HOXD3: variants seen among roughly 807,000 people sequenced by gnomAD.
HOXD3 encodes homeobox D3.
HOXD3 carries 13 observed loss-of-function variants against 32.8 expected under a neutral mutation model. The ratio of observed to expected loss-of-function variants is 0.40; its 90% confidence interval spans 0.26 to 0.63. HOXD3 has a LOEUF of 0.63. Ranked by LOEUF, HOXD3 falls within the 20% of genes least tolerant of loss-of-function variation. The pLI is 0.44. For synonymous variants in HOXD3, 241 were observed against 246.8 expected (o/e 0.98, Z 0.22); for missense variants, 504 against 577.1 (o/e 0.87, Z 1.30).
Position 176,169,306 on chromosome 2 carries a change from A to G in HOXD3, c.192A>G (p.Pro64=). The G allele has an allele frequency of 6.2e-7, 1 of 1,613,610 alleles. No homozygotes were observed. Among genetic ancestry groups the G allele is most frequent in the East Asian group, 2.2e-5 (1 of 44,848 alleles). ...AAASSLDTDY[P]GSACSIQSSA... is the part of the protein sequence containing the mutation. ...CCAGCTCCCTGGACACTGACTATCC[A>G]GGTTCTGCCTGCTCCATCCAGAGCT... The change falls in exon 3 of 4, where the codon CCA becomes CCG. Residue 64 remains proline (P), a synonymous_variant. Transcript: ENST00000683222.
chr2:176,155,070 C>T (rs528044409), upstream of HOXD3, among the ~76,000 whole-genome samples: 1 of 152,316 alleles, frequency 6.6e-6, no homozygotes, highest in Non-Finnish European at 1.5e-5. Flanking sequence ...AACTACCCTT[C>T]TCTTCTTTTT....
Position 176,168,528 on chromosome 2 carries a change from C to A in HOXD3, c.-84-503C>A, listed in dbSNP as rs140754463. Among the ~76,000 whole-genome samples, 462 of 149,286 alleles carry A rather than the reference C, an allele frequency of 3.1e-3. 5 individuals carry two copies. The highest frequency in any genetic ancestry group is 4.6e-3 in the South Asian group (22 of 4,806). On this transcript the variant is annotated intron_variant, in intron 2 of 3. Coordinates refer to ENST00000683222, the MANE Select transcript of HOXD3 (RefSeq NM_006898.5). Reference sequence around the variant, plus strand: ...GTTGCAGTAAGCTGAGATCATGACACTGCACTCCAGCCTTGGCAACAGGAG... The same window carrying A: ...GTTGCAGTAAGCTGAGATCATGACAATGCACTCCAGCCTTGGCAACAGGAG...
chr2:176,164,913 T>G (rs945871847), intron 2 of HOXD3: 3 of 152,210 alleles, frequency 2.0e-5, no homozygotes, highest in African/African-American at 7.2e-5. Flanking sequence ...CCTCCGCAAG[T>G]CGGACTAGCC....
chr2:176,171,527 C>T lies in HOXD3; in HGVS notation c.552C>T (p.Cys184=), dbSNP rs754097687. The stretch of plus-strand genomic sequence containing the variant: ...TCCCTCCCTGCCCAGGAGAGAGCTG[C>T]GAGGACAAGAGCCCGCCAGGCCCAG... ...KNSCATAGES[C]EDKSPPGPAS... is the part of the protein sequence containing the mutation. The change falls in exon 4 of 4, where the codon TGC becomes TGT. Residue 184 remains cysteine (C), a synonymous_variant. Transcript: ENST00000683222. 1 of 1,586,062 alleles carries T rather than the reference C, an allele frequency of 6.3e-7. No homozygotes were observed. Among genetic ancestry groups the T allele is most frequent in the Non-Finnish European group, 8.6e-7 (1 of 1,165,256 alleles).
chr2:176,163,941 CTGGA>C (rs1559138861), intron 1 of HOXD3, 128 bp from the exon 2 acceptor site: 1 of 152,166 alleles, frequency 6.6e-6, no homozygotes, highest in Non-Finnish European at 1.5e-5. Context: ...GAGAAGGCGT[CTGGA>C]TGGTCACGGG....
chr2:176,154,444 G>T (rs917705990), upstream of HOXD3, among the ~76,000 whole-genome samples: 5 of 152,194 alleles, frequency 3.3e-5, no homozygotes, highest in African/African-American at 4.8e-5. Flanking sequence ...TCCAAAAAAG[G>T]TTGTAGCTAT....
chr2:176,169,793 T>A, intron 3 of HOXD3, 138 bp downstream of exon 3: 1 of 1,068,004 alleles, frequency 9.4e-7, no homozygotes. Flanking sequence ...TTTTTTTTAG[T>A]GTTCCTGATT....
chr2:176,171,242 G>A (rs1691164061), intron 3 of HOXD3, among the ~76,000 whole-genome samples: 1 of 152,168 alleles, frequency 6.6e-6, no homozygotes, highest in Non-Finnish European at 1.5e-5. Flanking sequence ...TGGGATGATG[G>A]ACTAGGCTGC....
At chr2:176,169,849 C>G (rs1198629543) in intron 3 of HOXD3, among the ~76,000 whole-genome samples, 194 bp downstream of exon 3, 1 of 152,156 alleles carries the variant, frequency 6.6e-6, no homozygotes, top group African/African-American at 2.4e-5. Context: ...CCATTCCAGG[C>G]TGCTGGTGCT....
Position 176,157,437 on chromosome 2 carries a change from G to A in HOXD3, c.-196G>A, listed in dbSNP as rs965852401. Among the ~76,000 whole-genome samples the A allele has an allele frequency of 6.6e-6, 1 of 152,130 alleles. No homozygotes were observed. The highest frequency in any genetic ancestry group is 1.5e-5 in the Non-Finnish European group (1 of 68,020). ...TCCACCCCCGGCCCCCGGCGGGCGCGGGAGCGCGGCCGCAGGTAAATATTT... is the reference window on the plus strand; with the variant it reads ...TCCACCCCCGGCCCCCGGCGGGCGCAGGAGCGCGGCCGCAGGTAAATATTT... On this transcript the variant is annotated 5_prime_UTR_variant, in exon 1 of 4. Coordinates refer to ENST00000683222, the MANE Select transcript of HOXD3 (RefSeq NM_006898.5).
intron 2 of HOXD3, among the ~76,000 whole-genome samples, chr2:176,168,115 G>A (rs868611360): frequency 2.0e-4 from 31 of 152,068 alleles, no homozygotes; most frequent in African/African-American, 7.5e-4. Context: ...ACTTCCAGAG[G>A]TTCAAATAAG....
At position 176,172,324 on chromosome 2, in the gene HOXD3, T is replaced by C. The variant is rs1691224538; in HGVS notation, c.*50T>C. ...GGCAAAATTACCTCTCTTGCTGTAG[T>C]GGTGGGGTAGAGGGTGGGGCCCGCG... On this transcript the variant is annotated 3_prime_UTR_variant, in exon 4 of 4. Coordinates refer to ENST00000683222, the MANE Select transcript of HOXD3 (RefSeq NM_006898.5). 1 of 1,527,536 alleles carries C rather than the reference T, an allele frequency of 6.5e-7. No individual in the cohort carries two copies. Among genetic ancestry groups the C allele is most frequent in the African/African-American group, 1.4e-5 (1 of 73,328 alleles). 94.6% of individuals were successfully genotyped at this position (1,527,536 alleles called of 1,614,324 possible).
upstream of HOXD3, among the ~76,000 whole-genome samples, chr2:176,155,575 G>A (rs575071057): frequency 2.0e-5 from 3 of 152,274 alleles, no homozygotes; most frequent in South Asian, 2.1e-4. Context: ...GGTCCCAGTC[G>A]GACCCCAGCA....
intron 2 of HOXD3, among the ~76,000 whole-genome samples, chr2:176,167,532 C>T (rs920840100): frequency 6.6e-6 from 1 of 152,102 alleles, no homozygotes; most frequent in Non-Finnish European, 1.5e-5. Flanking sequence ...GCAAGTCCTC[C>T]TGTTGGTGTT....
intron 3 of HOXD3, 50 bp from the exon 4 acceptor site, chr2:176,171,467 G>A: frequency 6.6e-7 from 1 of 1,508,888 alleles, no homozygotes; most frequent in Non-Finnish European, 8.9e-7. Flanking sequence ...CCAGTCCTGA[G>A]GGTCCCCACC....
Position 176,169,181 on chromosome 2 carries a change from T to C in HOXD3, c.67T>C (p.Tyr23His). The change falls in exon 3 of 4, where the codon TAT becomes CAT. Residue 23 changes from tyrosine to histidine, a missense_variant. Tyr to His is a moderately conservative substitution (Grantham distance 83, BLOSUM62 2). Transcript: ENST00000683222. Reference protein sequence around the residue: ...PECTMQKAAYYENPGLFGGYG... With the variant: ...PECTMQKAAYHENPGLFGGYG... ...GTGCACAATGCAGAAGGCTGCTTAC[T>C]ATGAAAACCCAGGACTGTTTGGAGG... 6.2e-7 allele frequency: 1 copy of C among 1,614,142 alleles called. No individual in the cohort carries two copies. The highest frequency in any genetic ancestry group is 8.5e-7 in the Non-Finnish European group (1 of 1,180,022).
At position 176,172,331 on chromosome 2, in the gene HOXD3, G is replaced by A. The variant is rs1368666288; in HGVS notation, c.*57G>A. 3 of 1,488,074 alleles carry A rather than the reference G, an allele frequency of 2.0e-6. No individual in the cohort carries two copies. Among genetic ancestry groups the A allele is most frequent in the Admixed American group, 4.0e-5 (2 of 49,988 alleles). 92.2% of individuals were successfully genotyped at this position (1,488,074 alleles called of 1,614,324 possible). ...TTACCTCTCTTGCTGTAGTGGTGGG[G>A]TAGAGGGTGGGGCCCGCGGGGCAGT... is the stretch of plus-strand genomic sequence containing the variant. On this transcript the variant is annotated 3_prime_UTR_variant, in exon 4 of 4. Coordinates refer to ENST00000683222, the MANE Select transcript of HOXD3 (RefSeq NM_006898.5).
At chr2:176,152,627 T>G, upstream of HOXD3, 1 of 1,614,060 alleles carries the variant, frequency 6.2e-7, no homozygotes. This position sits in a 1 kb window ranked among gnomAD's most constrained non-coding sequence, Gnocchi z 5.2. Flanking sequence ...ACTACACCGG[T>G]GGGGAACCCA....
chr2:176,172,550 A>C lies in HOXD3; in HGVS notation c.*276A>C. 1 of 465,706 alleles carries C rather than the reference A, an allele frequency of 2.1e-6. No homozygotes were observed. Among genetic ancestry groups the C allele is most frequent in the South Asian group, 3.8e-5 (1 of 25,994 alleles). The allele number at this position is 465,706 out of a possible 1,614,324, so 28.8% of individuals were successfully genotyped here. ...GCGGACCAAGGGACTCCAATCTGGT[A>C]ATGGTGTCCCAAAGGTAAGTCTGAG... On this transcript the variant is annotated 3_prime_UTR_variant, in exon 4 of 4. Transcript: ENST00000683222.
Sources: allele counts gnomAD v4.1 joint callset (sites outside exome capture counted in the v4.1 genomes callset), GRCh38; gene constraint gnomAD v4.1.1; non-coding constraint Gnocchi (gnomAD v3.1); transcripts MANE v1.5; gene names NCBI Gene and HGNC (gene_info 2026-07-23, HGNC 2026-07-21).